Variants in CCDC171 observed in about 807,000 individuals in gnomAD.
CCDC171 encodes the protein coiled-coil domain containing 171.
A neutral mutation model predicts 168.2 loss-of-function variants in CCDC171; 177 were observed. The observed-to-expected ratio is 1.05, with a 90% confidence interval of 0.93 to 1.19. CCDC171 has a LOEUF of 1.19. Among genes scored for constraint, CCDC171 ranks in the 50% most tolerant of loss-of-function variants. The pLI is 0.00. For synonymous variants in CCDC171, 687 were observed against 540.8 expected (o/e 1.27, Z -3.75); for missense variants, 1,991 against 1,539.0 (o/e 1.29, Z -4.91).
chr9:16,018,112 G>A (rs1180467795), intron 3 of CCDC171, among the ~76,000 whole-genome samples: 3 of 152,180 alleles, frequency 2.0e-5, no homozygotes, highest in Admixed American at 2.0e-4. Flanking sequence ...AGACCCCTGA[G>A]AAGGCAGGTA....
intron 3 of CCDC171, among the ~76,000 whole-genome samples, chr9:16,014,819 A>G (rs1564120080): frequency 6.6e-6 from 1 of 152,176 alleles, no homozygotes; most frequent in Non-Finnish European, 1.5e-5. Context: ...AAACCATGCT[A>G]TAAACAGGCT....
chr9:16,081,855 T>A, the CCDC171 span, among the ~76,000 whole-genome samples: 2 of 147,586 alleles, frequency 1.4e-5, no homozygotes, highest in East Asian at 2.0e-4. Flanking sequence ...TTGATTACTT[T>A]AAAAAAAAAA....
At chr9:15,610,077 CTTG>C (rs977003940) in intron 6 of CCDC171, among the ~76,000 whole-genome samples, 5 of 151,892 alleles carry the variant, frequency 3.3e-5, no homozygotes, top group Admixed American at 6.6e-5. Context: ...TAAGCTCATT[CTTG>C]TTATTTGATG....
At chr9:15,560,836 T>G (rs2039238416) in intron 1 of CCDC171, among the ~76,000 whole-genome samples, 1 of 132,684 alleles carries the variant, frequency 7.5e-6, no homozygotes, top group Admixed American at 8.5e-5. Flanking sequence ...TTTCAGCTTT[T>G]CTGCTCTGGT....
intron 8 of CCDC171, among the ~76,000 whole-genome samples, chr9:15,657,769 T>C (rs2048049209): frequency 6.6e-6 from 1 of 152,074 alleles, no homozygotes; most frequent in Non-Finnish European, 1.5e-5. Flanking sequence ...TGAAATACAA[T>C]GGGAATATAA....
In CCDC171 at chr9:15,618,668, G is replaced by A. The variant is rs149601439; in HGVS notation, c.676-4599G>A. ...GCATAGGGTCACGAGGGAATCTCCT[G>A]ATCTGCGGATTGCAAAAATCCATGG... On this transcript the variant is annotated intron_variant, in intron 6 of 25. Coordinates refer to ENST00000380701, the MANE Select transcript of CCDC171 (RefSeq NM_173550.4). Among the ~76,000 whole-genome samples, 36 of 152,292 alleles carry A rather than the reference G, an allele frequency of 2.4e-4. No individual in the cohort carries two copies. In the East Asian group the frequency reaches 7.0e-3, roughly 29 times the overall value.
chr9:15,963,370 G>C (rs1414333240), intron 25 of CCDC171, among the ~76,000 whole-genome samples: 1 of 151,934 alleles, frequency 6.6e-6, no homozygotes, highest in African/African-American at 2.4e-5. Context: ...AAAAAGTTTT[G>C]TTTATCTATC....
At chr9:15,585,301 G>C (rs1054584043) in intron 4 of CCDC171, among the ~76,000 whole-genome samples, 2 of 152,120 alleles carry the variant, frequency 1.3e-5, no homozygotes, top group African/African-American at 2.4e-5. Context: ...GAATTTCCTA[G>C]CAACTCCATT....
chr9:15,965,968 G>A (rs931423900), intron 25 of CCDC171, among the ~76,000 whole-genome samples: 1 of 152,056 alleles, frequency 6.6e-6, no homozygotes, highest in Middle Eastern at 3.2e-3. Flanking sequence ...AAAACACCAA[G>A]ACCATGGAGT....
intron 7 of CCDC171, among the ~76,000 whole-genome samples, chr9:15,628,315 A>G (rs971019831): frequency 6.6e-6 from 1 of 151,884 alleles, no homozygotes; most frequent in African/African-American, 2.4e-5. Context: ...AAATCGGGTC[A>G]CTCCCACCCC....
intron 7 of CCDC171, among the ~76,000 whole-genome samples, chr9:15,648,193 A>T (rs1587718622): frequency 1.3e-5 from 2 of 152,352 alleles, no homozygotes; most frequent in South Asian, 2.1e-4. Flanking sequence ...GGCAAAATTC[A>T]ACAGCCCTTC....
intron 7 of CCDC171, among the ~76,000 whole-genome samples, chr9:15,632,159 A>T (rs1319493834): frequency 6.7e-6 from 1 of 149,708 alleles, no homozygotes; most frequent in Non-Finnish European, 1.5e-5. Flanking sequence ...TAGTGTTGGA[A>T]GTTCTGGCCA....
chr9:15,743,183 T>G (rs2055013240), intron 16 of CCDC171, among the ~76,000 whole-genome samples: 1 of 53,032 alleles, frequency 1.9e-5, no homozygotes, highest in South Asian at 7.2e-4. Flanking sequence ...TTTTTTTTTT[T>G]GAGACAGCGT....
At chr9:15,617,852 G>A (rs1209470213) in intron 6 of CCDC171, among the ~76,000 whole-genome samples, 1 of 152,180 alleles carries the variant, frequency 6.6e-6, no homozygotes, top group Non-Finnish European at 1.5e-5. Context: ...GAACAGCAAA[G>A]ATTGCTGCCT....
At chr9:15,902,281 T>TATATACAC (rs1554673437) in intron 24 of CCDC171, among the ~76,000 whole-genome samples, 3 of 145,160 alleles carry the variant, frequency 2.1e-5, no homozygotes, top group African/African-American at 7.7e-5. Flanking sequence ...TATATATATA[T>TATATACAC]ACACACACAC....
intron 7 of CCDC171, among the ~76,000 whole-genome samples, chr9:15,639,342 A>G (rs1479528623): frequency 6.6e-6 from 1 of 152,076 alleles, no homozygotes; most frequent in African/African-American, 2.4e-5. Flanking sequence ...TTAAGATTGG[A>G]ACTTCAGTTA....
intron 23 of CCDC171, among the ~76,000 whole-genome samples, chr9:15,872,429 C>G (rs2062079582): frequency 6.6e-6 from 1 of 151,954 alleles, no homozygotes; most frequent in East Asian, 1.9e-4. Flanking sequence ...GTGCCTGATG[C>G]TAATCAGGTT....
At chr9:15,888,527 T>G (rs1014427340) in intron 24 of CCDC171, among the ~76,000 whole-genome samples, 9 of 152,314 alleles carry the variant, frequency 5.9e-5, no homozygotes, top group African/African-American at 2.2e-4. Context: ...TTGGAAAGAT[T>G]TCAAATTCCA....
chr9:15,949,707 T>C (rs1284100873), intron 25 of CCDC171, among the ~76,000 whole-genome samples: 2 of 152,232 alleles, frequency 1.3e-5, no homozygotes, highest in East Asian at 1.9e-4. Flanking sequence ...GATTTTGGGC[T>C]GAGACGATGG....
Sources: allele counts gnomAD v4.1 joint callset (sites outside exome capture counted in the v4.1 genomes callset), GRCh38; gene constraint gnomAD v4.1.1; transcripts MANE v1.5; gene names NCBI Gene and HGNC (gene_info 2026-07-23, HGNC 2026-07-21).